Variants in NAV3 observed in about 807,000 individuals in gnomAD.
NAV3 encodes the protein pore membrane and/or filament interacting like protein 1.
NAV3 carries 87 observed loss-of-function variants against 244.7 expected under a neutral mutation model. That is an observed-to-expected ratio of 0.36 (90% confidence interval 0.30 to 0.42). NAV3 has a LOEUF of 0.42. Among genes scored for constraint, NAV3 ranks in the 20% least tolerant of loss-of-function variants. The pLI is 1.00. For missense variants in NAV3, 2,663 were observed against 2,893.3 expected, an observed-to-expected ratio of 0.92 and a Z score of 1.83; for synonymous variants, 1,126 against 1,042.2, an observed-to-expected ratio of 1.08 and a Z score of -1.55.
intron 2 of NAV3, among the ~76,000 whole-genome samples, chr12:77,660,726 A>G (rs866737412): frequency 1.3e-5 from 2 of 152,076 alleles, no homozygotes; most frequent in Non-Finnish European, 2.9e-5. Flanking sequence ...ACCTTCACCA[A>G]AAGTTTCTCT....
intron 2 of NAV3, among the ~76,000 whole-genome samples, chr12:77,770,315 G>C (rs905069901): frequency 6.6e-6 from 1 of 152,162 alleles, no homozygotes; most frequent in African/African-American, 2.4e-5. Flanking sequence ...CAATCTTAGA[G>C]GTATAGCACT....
intron 2 of NAV3, among the ~76,000 whole-genome samples, chr12:77,647,127 G>T (rs1365265901): frequency 6.6e-6 from 1 of 151,764 alleles, no homozygotes; most frequent in African/African-American, 2.4e-5. Flanking sequence ...GTGTACAAAA[G>T]GTAACGACGG....
intron 30 of NAV3, 73 bp downstream of exon 30, chr12:78,181,118 A>G: frequency 7.0e-7 from 1 of 1,419,788 alleles, no homozygotes. Flanking sequence ...TGGAATTTGG[A>G]GAACTTTACG....
rs150867400 is a variant in NAV3 at position 78,188,088 on chromosome 12, G to T, written c.5791-160G>T. On this transcript the variant is annotated intron_variant, in intron 31 of 39. Coordinates refer to ENST00000397909, the MANE Select transcript of NAV3 (RefSeq NM_001024383.2). ...GTTAGTTGGCTGAAATATGTTTTATGTTATATAATCCACCATGTGTGTCTG... is the reference window on the plus strand; with the variant it reads ...GTTAGTTGGCTGAAATATGTTTTATTTTATATAATCCACCATGTGTGTCTG... Among the ~76,000 whole-genome samples, 352 of 151,922 alleles carry T rather than the reference G, an allele frequency of 2.3e-3. 4 individuals are homozygous for T. Among genetic ancestry groups the T allele is most frequent in the African/African-American group, 8.2e-3 (339 of 41,508 alleles).
In NAV3 at chr12:77,689,332, A is replaced by G. The variant is rs186548153; in HGVS notation, c.72+117066A>G. The stretch of plus-strand genomic sequence containing the variant: ...ATGAATCAAGATGAGCTCATCCAAG[A>G]TTCCATTTTAGAACATATCTTGTCT... On this transcript the variant is annotated intron_variant, in intron 2 of 8. Transcript: ENST00000550042. 3.0e-4 allele frequency among the ~76,000 whole-genome samples: 46 copies of G among 152,066 alleles called. 1 individual carries two copies. Among genetic ancestry groups the G allele is most frequent in the African/African-American group, 1.0e-3 (42 of 41,554 alleles).
chr12:78,163,508 C>T (rs770139918), intron 23 of NAV3, among the ~76,000 whole-genome samples: 4 of 152,142 alleles, frequency 2.6e-5, no homozygotes, highest in South Asian at 2.1e-4. Flanking sequence ...GTGAAGGTTG[C>T]ACTGAGCTGA....
intron 34 of NAV3, among the ~76,000 whole-genome samples, chr12:78,195,150 A>C (rs1010212220): frequency 1.3e-5 from 2 of 151,980 alleles, no homozygotes; most frequent in African/African-American, 4.8e-5. Flanking sequence ...AAAGAAGCAA[A>C]CAAACATATC....
chr12:77,577,167 T>G (rs1869127431), intron 2 of NAV3, among the ~76,000 whole-genome samples: 1 of 152,164 alleles, frequency 6.6e-6, no homozygotes, highest in Admixed American at 6.5e-5. Context: ...CATACTCGGA[T>G]GCAGATTAAG....
intron 5 of NAV3, among the ~76,000 whole-genome samples, chr12:77,986,698 A>G (rs899099152): frequency 4.6e-5 from 7 of 152,198 alleles, no homozygotes; most frequent in African/African-American, 1.7e-4. Context: ...TAACATAAAT[A>G]GAATAGTCTA....
intron 12 of NAV3, among the ~76,000 whole-genome samples, chr12:78,090,205 G>T (rs1953852768): frequency 6.9e-6 from 1 of 145,644 alleles, no homozygotes; most frequent in Non-Finnish European, 1.5e-5. Flanking sequence ...ATATATATAT[G>T]GTTGAATTAT....
intron 11 of NAV3, among the ~76,000 whole-genome samples, chr12:78,051,359 A>G (rs1461263454): frequency 3.3e-5 from 5 of 152,168 alleles, no homozygotes; most frequent in Non-Finnish European, 7.4e-5. Context: ...TAAGCCGCTA[A>G]GTTTTTCTGT....
intron 2 of NAV3, among the ~76,000 whole-genome samples, chr12:77,752,026 G>A (rs1232966403): frequency 6.6e-6 from 1 of 152,070 alleles, no homozygotes; most frequent in Non-Finnish European, 1.5e-5. Flanking sequence ...GTTTTCCACT[G>A]TAAAGAATGG....
At chr12:77,611,597 A>T (rs1870917367) in intron 2 of NAV3, among the ~76,000 whole-genome samples, 1 of 151,944 alleles carries the variant, frequency 6.6e-6, no homozygotes, top group African/African-American at 2.4e-5. Context: ...ACTCCCTAGA[A>T]GCAACTATAG....
chr12:77,645,187 A>G (rs1014264885), intron 2 of NAV3, among the ~76,000 whole-genome samples: 1 of 152,142 alleles, frequency 6.6e-6, no homozygotes, highest in African/African-American at 2.4e-5. Flanking sequence ...CAGCAAAATA[A>G]AAGCTGCTGA....
chr12:77,715,591 A>G (rs1418321631), intron 2 of NAV3, among the ~76,000 whole-genome samples: 2 of 152,050 alleles, frequency 1.3e-5, no homozygotes, highest in Non-Finnish European at 1.5e-5. Flanking sequence ...TATCAGTGAA[A>G]TGAAATATAT....
At chr12:77,891,740 T>C (rs989423136) in intron 1 of NAV3, among the ~76,000 whole-genome samples, 2 of 152,242 alleles carry the variant, frequency 1.3e-5, no homozygotes, top group Admixed American at 1.3e-4. Flanking sequence ...AGCCAGCAGC[T>C]GCAGAGACGG....
intron 2 of NAV3, among the ~76,000 whole-genome samples, chr12:77,721,851 C>A (rs1473324399): frequency 1.3e-5 from 2 of 152,034 alleles, no homozygotes; most frequent in African/African-American, 4.8e-5. Context: ...TATTTGAAAT[C>A]CCAAAGTCTA....
At chr12:77,638,564 C>T (rs1872256897) in intron 2 of NAV3, among the ~76,000 whole-genome samples, 1 of 152,190 alleles carries the variant, frequency 6.6e-6, no homozygotes, top group Non-Finnish European at 1.5e-5. Context: ...ACTTACTGCA[C>T]GAAGTGCAAT....
At chr12:77,903,882 A>T (rs1003952813) in intron 1 of NAV3, among the ~76,000 whole-genome samples, 44 of 152,344 alleles carry the variant, frequency 2.9e-4, no homozygotes, top group Middle Eastern at 3.4e-3. Context: ...CAGCCAAAAG[A>T]CACATGAAAA....
Sources: allele counts gnomAD v4.1 joint callset (sites outside exome capture counted in the v4.1 genomes callset), GRCh38; gene constraint gnomAD v4.1.1; transcripts MANE v1.5; gene names NCBI Gene and HGNC (gene_info 2026-07-23, HGNC 2026-07-21).